The following GABRB1 variants were observed in gnomAD, a reference collection of about 807,000 sequenced individuals.
The protein encoded by GABRB1 is gamma-aminobutyric acid type A receptor subunit beta1, also known as gamma-aminobutyric acid receptor subunit beta-1.
Under a neutral mutation model 51.6 loss-of-function variants are expected in GABRB1, and 17 were observed. The ratio of observed to expected loss-of-function variants is 0.33; its 90% CI spans 0.23 to 0.49. The LOEUF is 0.49. Among genes scored for constraint, GABRB1 ranks in the 20% least tolerant of loss-of-function variants. The pLI is 0.99. For missense variants in GABRB1, 410 were observed against 600.6 expected (o/e 0.68, Z 3.32); for synonymous variants, 247 against 218.9 (o/e 1.13, Z -1.14).
chr4:47,338,652 A>G (rs1052713887), intron 5 of GABRB1, among the ~76,000 whole-genome samples: 4 of 152,146 alleles, frequency 2.6e-5, no homozygotes, highest in Non-Finnish European at 4.4e-5. Context: ...ATCCCTGTGT[A>G]CCTCATTGCT....
chr4:47,019,500 A>G (rs1724844318), intron 1 of GABRB1, among the ~76,000 whole-genome samples: 1 of 151,332 alleles, frequency 6.6e-6, no homozygotes, highest in South Asian at 2.1e-4. Flanking sequence ...TAATTTTCTC[A>G]TAGTTCTGGA....
chr4:47,160,029 G>A (rs1382292335), intron 3 of GABRB1, among the ~76,000 whole-genome samples: 1 of 152,008 alleles, frequency 6.6e-6, no homozygotes, highest in Admixed American at 6.6e-5. Context: ...CCTTTAATGG[G>A]CAATTTTACC....
At chr4:47,288,308 G>C (rs2109917910) in intron 4 of GABRB1, among the ~76,000 whole-genome samples, 1 of 151,776 alleles carries the variant, frequency 6.6e-6, no homozygotes, top group South Asian at 2.1e-4. Context: ...TGTCGCCCAG[G>C]CTGGAGTGCA....
intron 5 of GABRB1, among the ~76,000 whole-genome samples, chr4:47,325,001 T>C (rs1433099910): frequency 1.3e-5 from 2 of 152,176 alleles, no homozygotes; most frequent in African/African-American, 2.4e-5. Context: ...TTTTCCAAAC[T>C]ATCATTACTT....
At chr4:47,334,337 T>C (rs1380387760) in intron 5 of GABRB1, among the ~76,000 whole-genome samples, 1 of 152,176 alleles carries the variant, frequency 6.6e-6, no homozygotes, top group Non-Finnish European at 1.5e-5. Flanking sequence ...CTAATGTGAT[T>C]TAAATGGTTA....
intron 4 of GABRB1, among the ~76,000 whole-genome samples, chr4:47,221,683 G>A (rs926059384): frequency 1.3e-5 from 2 of 151,924 alleles, no homozygotes; most frequent in African/African-American, 4.8e-5. Flanking sequence ...AAAATGCAGG[G>A]TGAGTATCTG....
chr4:47,086,825 C>T (rs940512565), intron 3 of GABRB1, among the ~76,000 whole-genome samples: 3 of 152,176 alleles, frequency 2.0e-5, no homozygotes, highest in Non-Finnish European at 4.4e-5. Flanking sequence ...GCTTGCTGTG[C>T]AGTGGCTAAG....
rs116692820 is a variant in GABRB1 at position 46,996,951 on chromosome 4, G to C, written c.-20+3025G>C. On this transcript the variant is annotated intron_variant, in intron 1 of 3. Coordinates refer to the GABRB1 transcript ENST00000513567. ...TGAATTACTGCTTTAAATTCTGAAG[G>C]CTTGTAGATATAGGCCCAGTTTGAA... is the stretch of plus-strand genomic sequence containing the variant. Among the ~76,000 whole-genome samples the C allele has an allele frequency of 2.4e-3, 360 of 152,176 alleles. 1 individual carries two copies. The Middle Eastern group carries it at 0.031, about 13-fold the overall frequency.
intron 1 of GABRB1, among the ~76,000 whole-genome samples, chr4:47,015,921 CGGTAGAACTAT>C (rs1427023354): frequency 6.6e-6 from 1 of 152,082 alleles, no homozygotes; most frequent in African/African-American, 2.4e-5. Context: ...ATTCAGCTAA[CGGTAGAACTAT>C]GGTAAAAAGT....
intron 5 of GABRB1, among the ~76,000 whole-genome samples, chr4:47,347,155 G>A (rs965932250): frequency 3.9e-5 from 6 of 152,044 alleles, no homozygotes; most frequent in East Asian, 3.9e-4. Flanking sequence ...GGTGGAGCTC[G>A]ACTGTAATCC....
chr4:47,244,833 A>T (rs1219251239), intron 4 of GABRB1, among the ~76,000 whole-genome samples: 2 of 152,232 alleles, frequency 1.3e-5, no homozygotes. Flanking sequence ...TCTCTGGGAC[A>T]CATTTAAAGC....
chr4:47,388,616 T>C (rs576861092), intron 5 of GABRB1, among the ~76,000 whole-genome samples: 8 of 152,286 alleles, frequency 5.3e-5, no homozygotes, highest in African/African-American at 1.9e-4. Flanking sequence ...AAGGGCAGAA[T>C]TAACCTTGGG....
chr4:47,234,487 C>CAA (rs199672537), intron 4 of GABRB1, among the ~76,000 whole-genome samples: 65 of 143,464 alleles, frequency 4.5e-4, no homozygotes, highest in East Asian at 2.0e-3. Context: ...AACTCCGTCT[C>CAA]AAAAAAAAAA....
intron 5 of GABRB1, among the ~76,000 whole-genome samples, chr4:47,373,945 C>T (rs1200245586): frequency 6.6e-6 from 1 of 152,102 alleles, no homozygotes; most frequent in Non-Finnish European, 1.5e-5. Flanking sequence ...AGTATTTCTG[C>T]CCTAAGGTAT....
At chr4:47,044,600 AT>A (rs1726005170) in intron 3 of GABRB1, among the ~76,000 whole-genome samples, 1 of 152,050 alleles carries the variant, frequency 6.6e-6, no homozygotes, top group Non-Finnish European at 1.5e-5. Flanking sequence ...GGTGTAAGTT[AT>A]GTGTAAAATG....
chr4:47,184,228 C>A (rs557129500), intron 4 of GABRB1, among the ~76,000 whole-genome samples: 78 of 152,018 alleles, frequency 5.1e-4, no homozygotes, highest in African/African-American at 1.3e-3. Context: ...AAACAGCCAA[C>A]GTTTTATTCA....
intron 5 of GABRB1, among the ~76,000 whole-genome samples, chr4:47,354,976 C>CTTTGTTTT (rs1560348508): frequency 1.7e-4 from 14 of 82,472 alleles, no homozygotes; most frequent in African/African-American, 6.5e-4. Flanking sequence ...TTCTTTCTTC[C>CTTTGTTTT]TTTGTTTTTT....
rs1716028932 is a variant in GABRB1 at position 47,124,605 on chromosome 4, A to G, written c.241-36644A>G. Among the ~76,000 whole-genome samples the G allele has an allele frequency of 2.0e-5, 3 of 152,342 alleles. No homozygotes were observed. The South Asian group carries it at 6.2e-4, about 32-fold the overall frequency. On this transcript the variant is annotated intron_variant, in intron 3 of 8. Coordinates refer to ENST00000295454, the MANE Select transcript of GABRB1 (RefSeq NM_000812.4). ...GTGCACTACACGAAAACAGACAGAA[A>G]ACTCAGTGAAATCAGGAAAATAATA...
chr4:47,078,012 G>A (rs187064494), intron 3 of GABRB1, among the ~76,000 whole-genome samples: 1,932 of 133,658 alleles, frequency 0.014, 22 homozygotes, highest in Middle Eastern at 0.03. Flanking sequence ...ATATTGGGAA[G>A]GAGTTTTGCT....
Sources: allele counts gnomAD v4.1 joint callset (sites outside exome capture counted in the v4.1 genomes callset), GRCh38; gene constraint gnomAD v4.1.1; transcripts MANE v1.5; gene names NCBI Gene and HGNC (gene_info 2026-07-23, HGNC 2026-07-21).